The following ABLIM1 variants were observed in gnomAD, a reference collection of about 807,000 sequenced individuals.
The protein encoded by ABLIM1 is actin binding LIM protein 1, also known as actin-binding LIM protein 1.
In ABLIM1, 40 loss-of-function variants were observed where a neutral mutation model predicts 107.0. The ratio of observed to expected loss-of-function variants is 0.37; its 90% confidence interval spans 0.29 to 0.49. ABLIM1 has a LOEUF of 0.49. Among genes scored for constraint, ABLIM1 ranks in the 20% least tolerant of loss-of-function variants. The pLI is 0.97. For synonymous variants in ABLIM1, 357 were observed against 357.3 expected, an observed-to-expected ratio of 1.00 and a Z score of 0.01; for missense variants, 857 against 1,008.5, an observed-to-expected ratio of 0.85 and a Z score of 2.04.
Position 114,456,934 on chromosome 10 carries a change from T to A in ABLIM1, c.1442-3451A>T, listed in dbSNP as rs199909121. Among the ~76,000 whole-genome samples the A allele has an allele frequency of 6.4e-3, 889 of 138,150 alleles. 3 individuals are homozygous for A. The highest frequency in any genetic ancestry group is 0.014 in the African/African-American group (554 of 38,400). The allele number at this position is 138,150 out of a possible 152,430, so 90.6% of individuals were successfully genotyped here. ...TTCACCTCTCTAGTTGTTTTTTTTTTAAAAAAAAAAAAAAAACACTACTTT... is the reference window on the plus strand; with the variant it reads ...TTCACCTCTCTAGTTGTTTTTTTTTAAAAAAAAAAAAAAAAACACTACTTT... On this transcript the variant is annotated intron_variant, in intron 12 of 22. Coordinates refer to ENST00000533213, the MANE Select transcript of ABLIM1 (RefSeq NM_002313.7).
chr10:114,497,304 C>A lies in ABLIM1; in HGVS notation c.895-5426G>T, dbSNP rs928136802. 3.3e-5 allele frequency among the ~76,000 whole-genome samples: 5 copies of A among 152,212 alleles called. No homozygotes were observed. The South Asian group carries it at 1.0e-3, about 31-fold the overall frequency. On this transcript the variant is annotated intron_variant, in intron 6 of 22. Coordinates refer to ENST00000533213, the MANE Select transcript of ABLIM1 (RefSeq NM_002313.7). The stretch of plus-strand genomic sequence containing the variant: ...GTCCTGCCTGAGCCTGAGTGGCCAG[C>A]GGTGCTGCTAGAGAGCTCACCAGAG...
upstream of ABLIM1, among the ~76,000 whole-genome samples, chr10:114,661,841 G>A (rs750506846): frequency 3.9e-5 from 6 of 151,994 alleles, no homozygotes; most frequent in Non-Finnish European, 7.4e-5. Context: ...ATTCACCAAG[G>A]GGCACTGAGG....
At chr10:114,724,661 T>A (rs975750445) in intron 1 of ABLIM1, among the ~76,000 whole-genome samples, 1 of 152,128 alleles carries the variant, frequency 6.6e-6, no homozygotes, top group African/African-American at 2.4e-5. Context: ...CCCACCCTAA[T>A]AAAGGCCAGG....
In ABLIM1 at chr10:114,468,194, G is replaced by C; in HGVS notation, c.1298C>G (p.Thr433Ser). ...AATGGTACTTACTTCTGCTGATGGA[G>C]TAGGAGACAAAGTCCTCGGAGACTA... The part of the protein sequence containing the change: ...LGESPRTLSP[T>S]PSAEGYQDVR... Residue 433 changes from threonine (T) to serine (S), a missense_variant, in exon 11 of 23, where the codon ACT becomes AGT. Physicochemically the swap from Thr to Ser is moderately conservative, Grantham distance 58. Around this residue, in one of 5 missense-constraint regions of ABLIM1, gnomAD observed 381 missense variants for 506.9 expected, o/e 0.75. Transcript: ENST00000533213. The C allele has an allele frequency of 6.2e-7, 1 of 1,613,054 alleles. No individual in the cohort carries two copies. Among genetic ancestry groups the C allele is most frequent in the Non-Finnish European group, 8.5e-7 (1 of 1,178,980 alleles).
chr10:114,545,030 T>C lies in ABLIM1; in HGVS notation c.869A>G (p.Gln290Arg). 6.2e-7 allele frequency: 1 copy of C among 1,614,130 alleles called. No homozygotes were observed. The highest frequency in any genetic ancestry group is 2.2e-5 in the East Asian group (1 of 44,876). The change falls in exon 6 of 23, where the codon CAG becomes CGG. Residue 290 changes from glutamine (Q) to arginine (R), a missense_variant. Coordinates refer to ENST00000533213, the MANE Select transcript of ABLIM1 (RefSeq NM_002313.7). Reference protein sequence around the residue: ...LFGVKCEACHQFITGKVLEAG... With the variant: ...LFGVKCEACHRFITGKVLEAG... ...CTCCAGGACTTTCCCTGTGATAAACTGGTGACACGCCTCACATTTCACCCC... is the reference window on the plus strand; with the variant it reads ...CTCCAGGACTTTCCCTGTGATAAACCGGTGACACGCCTCACATTTCACCCC...
In ABLIM1 at chr10:114,465,721, G is replaced by A; in HGVS notation, c.1418C>T (p.Ser473Phe). 6.2e-7 allele frequency: 1 copy of A among 1,614,160 alleles called. No homozygotes were observed. Among genetic ancestry groups the A allele is most frequent in the Non-Finnish European group, 8.5e-7 (1 of 1,180,006 alleles). ...ACCAGGTCTGTGGAAATGCTGGGGA[G>A]AGCGGGACGTGGTTGGAGTGTAGCT... ...RHSYTPTTSRSPQHFHRPGNE... is the reference protein window; with the variant it reads ...RHSYTPTTSRFPQHFHRPGNE... Residue 473 changes from serine to phenylalanine, a missense_variant, in exon 12 of 23, where the codon TCT (serine) becomes TTT (phenylalanine). This residue lies in a region of ABLIM1 where 381 missense variants were observed against 506.9 expected (regional missense o/e 0.75). Coordinates refer to ENST00000533213, the MANE Select transcript of ABLIM1 (RefSeq NM_002313.7).
chr10:114,477,974 G>A (rs187704357), intron 8 of ABLIM1, among the ~76,000 whole-genome samples: 1 of 151,970 alleles, frequency 6.6e-6, no homozygotes, highest in Non-Finnish European at 1.5e-5. Context: ...TGCCTGCCTC[G>A]GCCTCCCAAA....
At chr10:114,527,923 C>T (rs539003841) in intron 6 of ABLIM1, among the ~76,000 whole-genome samples, 67 of 151,948 alleles carry the variant, frequency 4.4e-4, no homozygotes, top group Middle Eastern at 3.4e-3. Context: ...CTGTAACCTC[C>T]GCCTCCCAGT....
intron 1 of ABLIM1, among the ~76,000 whole-genome samples, chr10:114,666,181 G>A (rs1479760993): frequency 6.6e-6 from 1 of 152,158 alleles, no homozygotes; most frequent in Admixed American, 6.5e-5. Context: ...TCTATTGGCT[G>A]CCAAGACAGG....
the ABLIM1 span, among the ~76,000 whole-genome samples, chr10:114,789,613 C>T: frequency 8.9e-3 from 1,358 of 152,220 alleles, 13 homozygotes; most frequent in African/African-American, 0.022. Flanking sequence ...TTTTAACAGC[C>T]ATTCTGACTG....
At chr10:114,461,071 G>GTTT (rs199573285) in intron 12 of ABLIM1, among the ~76,000 whole-genome samples, 2 of 147,050 alleles carry the variant, frequency 1.4e-5, no homozygotes, top group African/African-American at 5.0e-5. Flanking sequence ...TCTTTCTTTT[G>GTTT]TTTTTTTTTT....
In ABLIM1 at chr10:114,608,530, G is replaced by A. The variant is rs368444507; in HGVS notation, c.245-6569C>T. On this transcript the variant is annotated intron_variant, in intron 1 of 22. Coordinates refer to ENST00000533213, the MANE Select transcript of ABLIM1 (RefSeq NM_002313.7). ...ACTGAAAATACAAAATTAGCTGGGC[G>A]TGGTGGCGTATGCCTGTAATCCCAG... Among the ~76,000 whole-genome samples the A allele has an allele frequency of 1.9e-4, 29 of 151,670 alleles. 1 individual carries two copies. Among genetic ancestry groups the A allele is most frequent in the East Asian group, 1.6e-3 (8 of 5,106 alleles).
chr10:114,647,132 A>T (rs1334272163), intron 1 of ABLIM1, among the ~76,000 whole-genome samples: 1 of 152,144 alleles, frequency 6.6e-6, no homozygotes, highest in East Asian at 1.9e-4. Flanking sequence ...AGTAGTTGGG[A>T]TTACAGGTGT....
the ABLIM1 span, chr10:114,779,919 T>G: frequency 1.3e-5 from 2 of 152,242 alleles, no homozygotes; most frequent in Non-Finnish European, 2.9e-5. Flanking sequence ...GTTGACTTTT[T>G]TTTTTTTAAT....
At chr10:114,478,275 T>G (rs1388050775) in intron 8 of ABLIM1, among the ~76,000 whole-genome samples, 1 of 152,220 alleles carries the variant, frequency 6.6e-6, no homozygotes, top group African/African-American at 2.4e-5. Context: ...TAGGCAGTTT[T>G]CAAAGTCAGG....
chr10:114,649,329 G>A (rs2079140546), intron 1 of ABLIM1, among the ~76,000 whole-genome samples: 1 of 151,730 alleles, frequency 6.6e-6, no homozygotes, highest in African/African-American at 2.4e-5. Context: ...TGGAACCCGG[G>A]AGGCAGAGGC....
At chr10:114,549,204 G>C (rs1191159927) in intron 4 of ABLIM1, among the ~76,000 whole-genome samples, 1 of 152,148 alleles carries the variant, frequency 6.6e-6, no homozygotes, top group Non-Finnish European at 1.5e-5. Flanking sequence ...GACTAATGTG[G>C]TGAAACCCTG....
At position 114,431,541 on chromosome 10, in the gene ABLIM1, C is replaced by T. The variant is rs2058859154; in HGVS notation, c.*4719G>A. The T allele has an allele frequency of 2.0e-5, 3 of 152,178 alleles. No individual in the cohort carries two copies. The South Asian group carries it at 6.2e-4, about 31-fold the overall frequency. The allele number at this position is 152,178 out of a possible 1,614,324, so 9.4% of individuals were successfully genotyped here. On this transcript the variant is annotated 3_prime_UTR_variant, in exon 23 of 23. Coordinates refer to ENST00000533213, the MANE Select transcript of ABLIM1 (RefSeq NM_002313.7). ...TGATTGGACAAGTCTGTACATAAAA[C>T]CCCAAAAGAACATCAGTTTTGTGGA... is the stretch of plus-strand genomic sequence containing the variant.
At chr10:114,491,945 C>A in intron 6 of ABLIM1, 67 bp from the exon 7 acceptor site, 6 of 1,278,486 alleles carry the variant, frequency 4.7e-6, no homozygotes, top group South Asian at 2.7e-5. Flanking sequence ...CTTTTCTGGA[C>A]TTGATGATTT....
Sources: allele counts gnomAD v4.1 joint callset (sites outside exome capture counted in the v4.1 genomes callset), GRCh38; gene constraint gnomAD v4.1.1; regional missense constraint gnomAD v4.1.1; transcripts MANE v1.5; gene names NCBI Gene and HGNC (gene_info 2026-07-23, HGNC 2026-07-21).